The following STIL variants were observed in gnomAD, a reference collection of about 807,000 sequenced individuals.
STIL encodes STIL centriolar assembly protein.
A neutral mutation model predicts 110.1 loss-of-function variants in STIL; 55 were observed. The observed-to-expected ratio is 0.50, with a 90% CI of 0.40 to 0.63. The LOEUF is 0.63. Among genes scored for constraint, STIL ranks in the 20% least tolerant of loss-of-function variants. The probability of loss-of-function intolerance (pLI) is 0.00; values close to 1 mark genes in which losing one functional copy is unlikely to be tolerated. For missense variants in STIL, 1,358 were observed against 1,530.0 expected (o/e 0.89, Z 1.87); for synonymous variants, 481 against 530.0 (o/e 0.91, Z 1.27).
chr1:47,253,054 G>A (rs1388090761), intron 16 of STIL, among the ~76,000 whole-genome samples: 1 of 152,032 alleles, frequency 6.6e-6, no homozygotes. Context: ...GAGGTAAAGC[G>A]AGCCTCCCTC....
intron 12 of STIL, among the ~76,000 whole-genome samples, chr1:47,279,652 T>C (rs924690879): frequency 1.4e-5 from 2 of 147,716 alleles, no homozygotes; most frequent in African/African-American, 2.6e-5. Flanking sequence ...TCACTTGAAC[T>C]TGGGAGGCGG....
chr1:47,272,016 A>C, intron 13 of STIL, 60 bp downstream of exon 13: 1 of 1,571,798 alleles, frequency 6.4e-7, no homozygotes, highest in Non-Finnish European at 8.7e-7. Context: ...AAATTCAAAA[A>C]CCAGATATGA....
At chr1:47,265,259 A>C (rs76472552) in intron 14 of STIL, among the ~76,000 whole-genome samples, 20 of 150,656 alleles carry the variant, frequency 1.3e-4, no homozygotes, top group African/African-American at 4.9e-4. Flanking sequence ...AAAAAAAAAA[A>C]ACACAAGATT....
At chr1:47,310,589 T>G (rs1366586314) in intron 1 of STIL, among the ~76,000 whole-genome samples, 1 of 152,216 alleles carries the variant, frequency 6.6e-6, no homozygotes, top group East Asian at 1.9e-4. Context: ...AATCTACCAA[T>G]ATATCTATCC....
chr1:47,298,894 C>A (rs1010893603), intron 6 of STIL, among the ~76,000 whole-genome samples: 1 of 152,224 alleles, frequency 6.6e-6, no homozygotes, highest in East Asian at 1.9e-4. Context: ...CAGGCACGTG[C>A]CACCATGCCC....
chr1:47,252,778 TACACACACACACACACACACACACACAC>T (rs3043070), intron 16 of STIL, among the ~76,000 whole-genome samples: 18 of 140,192 alleles, frequency 1.3e-4, no homozygotes, highest in Non-Finnish European at 2.3e-4. Flanking sequence ...TATGGGCTTA[TACACACACACACACACACACACACACAC>T]ACACACACAC....
intron 10 of STIL, among the ~76,000 whole-genome samples, chr1:47,284,733 T>C (rs1025290376): frequency 3.3e-5 from 5 of 151,802 alleles, no homozygotes; most frequent in African/African-American, 1.2e-4. Flanking sequence ...CTACTAAAAA[T>C]ACAAAAATTA....
intron 12 of STIL, among the ~76,000 whole-genome samples, chr1:47,275,298 G>A (rs1178837761): frequency 8.6e-5 from 13 of 151,596 alleles, no homozygotes. Context: ...TGAAGGGAGA[G>A]GGAGAATTTT....
intron 6 of STIL, among the ~76,000 whole-genome samples, chr1:47,298,496 C>A (rs1645706013): frequency 6.6e-6 from 1 of 152,006 alleles, no homozygotes; most frequent in Admixed American, 6.6e-5. Context: ...ATTTGGTAAG[C>A]AAGAGTACTG....
At chr1:47,258,784 C>G (rs1557704244) in intron 16 of STIL, among the ~76,000 whole-genome samples, 1 of 151,990 alleles carries the variant, frequency 6.6e-6, no homozygotes. Context: ...ATGGGAGGCT[C>G]ACTTGAGTCC....
At chr1:47,257,909 G>C (rs1644370959) in intron 16 of STIL, among the ~76,000 whole-genome samples, 1 of 152,212 alleles carries the variant, frequency 6.6e-6, no homozygotes, top group South Asian at 2.1e-4. Flanking sequence ...TTGTTGAAGT[G>C]AATGTATTGG....
rs753042851 is a variant in STIL at position 47,258,647 on chromosome 1, T to C, written c.3080+1642A>G. ...ACTTTGGGAGGCCAAGGTGGGAAGA[T>C]TGCTTGAGTCTAAGAGTTTGTCTGA... is the stretch of plus-strand genomic sequence containing the variant. On this transcript the variant is annotated intron_variant, in intron 16 of 16. Coordinates refer to ENST00000371877, the MANE Select transcript of STIL (RefSeq NM_001048166.1). Among the ~76,000 whole-genome samples the C allele has an allele frequency of 8.5e-5, 13 of 152,090 alleles. 1 individual carries two copies. Among genetic ancestry groups the C allele is most frequent in the East Asian group, 5.8e-4 (3 of 5,184 alleles).
At chr1:47,252,005 A>G (rs1644198202) in intron 16 of STIL, 83 bp from the exon 17 acceptor site, 1 of 1,402,308 alleles carries the variant, frequency 7.1e-7, no homozygotes, top group African/African-American at 1.4e-5. Flanking sequence ...CTATACAAGC[A>G]ACAAAAGATC....
intron 2 of STIL, among the ~76,000 whole-genome samples, chr1:47,307,878 C>G (rs913003392): frequency 6.6e-6 from 1 of 152,174 alleles, no homozygotes; most frequent in African/African-American, 2.4e-5. Context: ...CCGGGGCGTA[C>G]CTGTCTCTTA....
Position 47,280,269 on chromosome 1 carries a change from T to C in STIL, c.2189A>G (p.Asp730Gly). 6.2e-7 allele frequency: 1 copy of C among 1,614,230 alleles called. No individual in the cohort carries two copies. The highest frequency in any genetic ancestry group is 8.5e-7 in the Non-Finnish European group (1 of 1,180,034). ...PDAYRFLTEQ[D>G]RQLRLLQAQI... ...TGCCTGAAGTAGTCTTAGCTGTCTG[T>C]CTTGTTCTGTGAGGAACCGATATGC... Residue 730 changes from aspartate (D) to glycine (G), a missense_variant, in exon 12 of 17, where the codon GAC (aspartate) becomes GGC (glycine). Physicochemically the swap from Asp to Gly is moderately conservative, Grantham distance 94 (BLOSUM62 -1). Transcript: ENST00000371877.
At chr1:47,285,087 G>A (rs181338319) in intron 10 of STIL, among the ~76,000 whole-genome samples, 213 of 144,656 alleles carry the variant, frequency 1.5e-3, no homozygotes, top group African/African-American at 5.2e-3. Flanking sequence ...GCAGTGCCAC[G>A]AACATGGCTC....
chr1:47,274,653 T>C (rs1223973607), intron 12 of STIL, among the ~76,000 whole-genome samples: 4 of 149,930 alleles, frequency 2.7e-5, no homozygotes, highest in Non-Finnish European at 5.9e-5. Flanking sequence ...TTGGCAGGAC[T>C]TCAGTGTTAT....
chr1:47,265,433 C>T (rs1268679732), intron 14 of STIL, among the ~76,000 whole-genome samples: 1 of 151,786 alleles, frequency 6.6e-6, no homozygotes, highest in Non-Finnish European at 1.5e-5. Flanking sequence ...TGGGGCTCAC[C>T]CCATGGGGAA....
In STIL at chr1:47,282,406, C is replaced by A. The variant is rs1488881552; in HGVS notation, c.1187G>T (p.Gly396Val). ...GKMPIHDHDSGVEDEDFSPRP... is the reference protein window; with the variant it reads ...GKMPIHDHDSVVEDEDFSPRP... ...TGGAGAAAAATCTTCATCTTCAACA[C>A]CAGAGTCGTGATCATGTATTGGCAT... is the stretch of plus-strand genomic sequence containing the variant. Residue 396 changes from glycine (G) to valine (V), a missense_variant, in exon 11 of 17, where the codon GGT becomes GTT. Physicochemically the swap from Gly to Val is moderately radical, Grantham distance 109. Coordinates refer to ENST00000371877, the MANE Select transcript of STIL (RefSeq NM_001048166.1). 1 of 1,613,270 alleles carries A rather than the reference C, an allele frequency of 6.2e-7. No homozygotes were observed. The highest frequency in any genetic ancestry group is 8.5e-7 in the Non-Finnish European group (1 of 1,179,758).
Sources: gnomAD v4.1 joint callset for allele counts (sites outside exome capture counted in the v4.1 genomes callset) on GRCh38, gnomAD v4.1.1 for gene constraint, MANE v1.5 for transcripts, NCBI Gene and HGNC (gene_info 2026-07-23, HGNC 2026-07-21) for gene names.